Variants in CUL3 observed in about 807,000 individuals in gnomAD.
CUL3 encodes cullin-3.
Under a neutral mutation model 89.1 loss-of-function variants are expected in CUL3, and 19 were observed. That is an observed-to-expected ratio of 0.21 (90% CI 0.15 to 0.31). CUL3 has a LOEUF of 0.31. Ranked by LOEUF, CUL3 falls within the 10% of genes least tolerant of loss-of-function variation. The probability of loss-of-function intolerance (pLI) is 1.00; values close to 1 mark genes in which losing one functional copy is unlikely to be tolerated. For synonymous variants in CUL3, 351 were observed against 308.4 expected (o/e 1.14, Z -1.45); for missense variants, 469 against 942.3 (o/e 0.50, Z 6.58).
chr2:224,513,704 A>G, intron 4 of CUL3, 66 bp from the exon 5 acceptor site: 1 of 1,127,850 alleles, frequency 8.9e-7, no homozygotes, highest in Non-Finnish European at 1.3e-6. Flanking sequence ...AAAAATTACA[A>G]AAAGGAGTAG....
intron 13 of CUL3, among the ~76,000 whole-genome samples, chr2:224,493,994 C>T (rs1249376250): frequency 6.6e-6 from 1 of 152,120 alleles, no homozygotes; most frequent in Non-Finnish European, 1.5e-5. Flanking sequence ...CAAGGTTACT[C>T]CCTAGGTAAG....
chr2:224,512,519 CTTA>C (rs1326786084), intron 5 of CUL3, among the ~76,000 whole-genome samples: 2 of 152,184 alleles, frequency 1.3e-5, no homozygotes, highest in East Asian at 1.9e-4. Flanking sequence ...TAACTACTAT[CTTA>C]TGTTTACTAG....
chr2:224,584,860 T>G, intron 1 of CUL3, 84 bp downstream of exon 1: 6 of 1,061,478 alleles, frequency 5.7e-6, no homozygotes, highest in Non-Finnish European at 7.7e-6. Context: ...CTGCGGCCTG[T>G]TGGGGGACTT....
intron 3 of CUL3, among the ~76,000 whole-genome samples, chr2:224,522,837 A>AAAAAAAAT (rs1413464469): frequency 6.6e-6 from 1 of 152,094 alleles, no homozygotes; most frequent in African/African-American, 2.4e-5. Flanking sequence ...CAAAAAAACA[A>AAAAAAAAT]TCCTTCTCAG....
chr2:224,556,082 CATGTA>C (rs2106301382), intron 2 of CUL3, among the ~76,000 whole-genome samples: 1 of 152,226 alleles, frequency 6.6e-6, no homozygotes, highest in South Asian at 2.1e-4. Flanking sequence ...CTGCGTGGCT[CATGTA>C]ATTCCCTTTA....
At chr2:224,493,370 C>T (rs914790666) in intron 13 of CUL3, among the ~76,000 whole-genome samples, 13 of 152,332 alleles carry the variant, frequency 8.5e-5, no homozygotes, top group African/African-American at 2.9e-4. Context: ...TAGCAACAGA[C>T]TGTAGAGAAA....
chr2:224,557,961 T>C (rs1019440978), intron 1 of CUL3, 105 bp from the exon 2 acceptor site: 30 of 628,028 alleles, frequency 4.8e-5, no homozygotes, highest in Non-Finnish European at 7.5e-5. Flanking sequence ...TTGTATTATA[T>C]AGATATGATT....
chr2:224,558,981 G>A (rs976554525), intron 1 of CUL3, among the ~76,000 whole-genome samples: 4 of 151,684 alleles, frequency 2.6e-5, no homozygotes, highest in East Asian at 1.9e-4. Flanking sequence ...GTGTGAGCCC[G>A]GGAGGCAGAG....
intron 2 of CUL3, among the ~76,000 whole-genome samples, chr2:224,557,302 A>G (rs1475591253): frequency 6.6e-6 from 1 of 152,126 alleles, no homozygotes; most frequent in African/African-American, 2.4e-5. Context: ...ACGTAGTTTT[A>G]TTGTTTTCAA....
At chr2:224,575,239 A>C (rs975711680) in intron 1 of CUL3, among the ~76,000 whole-genome samples, 8 of 152,214 alleles carry the variant, frequency 5.3e-5, no homozygotes, top group Non-Finnish European at 8.8e-5. Context: ...ACAATGATTA[A>C]AGTTTGGAAT....
At chr2:224,498,920 G>C (rs1408526988) in intron 11 of CUL3, among the ~76,000 whole-genome samples, 1 of 152,160 alleles carries the variant, frequency 6.6e-6, no homozygotes, top group African/African-American at 2.4e-5. Context: ...ACTGGCTATG[G>C]TAATGTAGAG....
intron 3 of CUL3, among the ~76,000 whole-genome samples, chr2:224,517,447 C>T (rs1196841373): frequency 2.6e-5 from 4 of 152,062 alleles, no homozygotes; most frequent in Admixed American, 6.6e-5. Flanking sequence ...CCGAAGCAGT[C>T]GGATCACTTG....
rs1224159850 is a variant in CUL3, at chr2:224,557,740, T to C, written c.183A>G (p.Ala61=). 8.7e-6 allele frequency: 14 copies of C among 1,611,412 alleles called. No individual in the cohort carries two copies. Among genetic ancestry groups the C allele is most frequent in the Non-Finnish European group, 1.2e-5 (14 of 1,178,040 alleles). ...GLSFEELYRN[A]YTMVLHKHGE... ...CATGTTTATGCAAAACCATTGTATATGCATTTCTATAGAGCTCCTCAAAAC... is the reference window on the plus strand; with the variant it reads ...CATGTTTATGCAAAACCATTGTATACGCATTTCTATAGAGCTCCTCAAAAC... Residue 61 remains alanine (A), a synonymous_variant, in exon 2 of 16, where the codon GCA becomes GCG. Transcript: ENST00000264414.
chr2:224,556,937 C>CT (rs1206750272), intron 2 of CUL3, among the ~76,000 whole-genome samples: 5 of 151,838 alleles, frequency 3.3e-5, no homozygotes, highest in East Asian at 1.9e-4. Flanking sequence ...ATTCATGAAA[C>CT]TTTTTTTTCA....
chr2:224,575,959 A>G (rs1695287966), intron 1 of CUL3, among the ~76,000 whole-genome samples: 1 of 152,232 alleles, frequency 6.6e-6, no homozygotes, highest in South Asian at 2.1e-4. Context: ...TCCACATGCA[A>G]TGAACAAAAT....
chr2:224,500,461 T>G lies in CUL3; in HGVS notation c.1512A>C (p.Thr504=). The change falls in exon 11 of 16, where the codon ACA becomes ACC. Residue 504 remains threonine (T), a synonymous_variant. Transcript: ENST00000264414. ...AATATCCTGTCGTGAGCACCCGGAC[T>G]GTAAGATCAACACCACCTAAAGATA... ...TGVSLGGVDL[T]VRVLTTGYWP... The G allele has an allele frequency of 6.2e-7, 1 of 1,613,844 alleles. No individual in the cohort carries two copies. Among genetic ancestry groups the G allele is most frequent in the Non-Finnish European group, 8.5e-7 (1 of 1,179,922 alleles).
intron 14 of CUL3, among the ~76,000 whole-genome samples, chr2:224,481,361 TAATG>T (rs947935768): frequency 3.3e-5 from 5 of 151,558 alleles, no homozygotes; most frequent in Non-Finnish European, 5.9e-5. Flanking sequence ...GTTAAATGTT[TAATG>T]AATAGAATTT....
chr2:224,559,346 C>T (rs530086650), intron 1 of CUL3, among the ~76,000 whole-genome samples: 189 of 148,964 alleles, frequency 1.3e-3, no homozygotes, highest in Non-Finnish European at 2.0e-3. Flanking sequence ...CCCAGCTACC[C>T]GGGAGGCTGA....
chr2:224,562,936 G>C (rs1694948128), intron 1 of CUL3: 1 of 178,272 alleles, frequency 5.6e-6, no homozygotes, highest in South Asian at 1.1e-4. Flanking sequence ...ATTAAGTCCT[G>C]GGTTCAATAA....
Sources: allele counts gnomAD v4.1 joint callset (sites outside exome capture counted in the v4.1 genomes callset), GRCh38; gene constraint gnomAD v4.1.1; transcripts MANE v1.5; gene names NCBI Gene and HGNC (gene_info 2026-07-23, HGNC 2026-07-21).